The following CACNA1D variants were observed in gnomAD, a reference collection of about 807,000 sequenced individuals.
The protein encoded by CACNA1D is calcium voltage-gated channel subunit alpha1 D.
CACNA1D carries 55 observed loss-of-function variants against 257.1 expected under a neutral mutation model. That is an observed-to-expected ratio of 0.21 (90% CI 0.17 to 0.27). CACNA1D has a LOEUF of 0.27. CACNA1D is among the 10% of genes least tolerant of loss of function. The pLI is 1.00. For missense variants in CACNA1D, 1,876 were observed against 2,784.0 expected, an observed-to-expected ratio of 0.67 and a Z score of 7.34; for synonymous variants, 980 against 1,014.9, an observed-to-expected ratio of 0.97 and a Z score of 0.65.
intron 3 of CACNA1D, among the ~76,000 whole-genome samples, chr3:53,554,842 A>C (rs1194205311): frequency 6.6e-6 from 1 of 152,214 alleles, no homozygotes. Context: ...TGGACTCAAC[A>C]TTCTTCTGAG....
At chr3:53,688,517 A>G (rs2094492918) in intron 8 of CACNA1D, among the ~76,000 whole-genome samples, 1 of 152,242 alleles carries the variant, frequency 6.6e-6, no homozygotes, top group African/African-American at 2.4e-5. Context: ...GGGCCTGGAT[A>G]AACGGGAAGA....
At chr3:53,677,388 G>A (rs1475532327) in intron 8 of CACNA1D, among the ~76,000 whole-genome samples, 1 of 152,228 alleles carries the variant, frequency 6.6e-6, no homozygotes, top group Non-Finnish European at 1.5e-5. Flanking sequence ...GGATATCAGC[G>A]ACATCCTGTC....
At chr3:53,497,843 A>G (rs538207610) in intron 2 of CACNA1D, among the ~76,000 whole-genome samples, 30 of 152,350 alleles carry the variant, frequency 2.0e-4, no homozygotes, top group Middle Eastern at 3.4e-3. Context: ...CAAGGTATAC[A>G]GATTAGAAAA....
At chr3:53,523,468 A>C (rs2107370190) in intron 3 of CACNA1D, among the ~76,000 whole-genome samples, 1 of 152,384 alleles carries the variant, frequency 6.6e-6, no homozygotes, top group South Asian at 2.1e-4. Flanking sequence ...GACATGAGAA[A>C]GGATTGACCA....
rs745932162 is a variant in CACNA1D at position 53,805,004 on chromosome 3, C to T, written c.5607C>T (p.Ser1869=). The T allele has an allele frequency of 1.2e-6, 2 of 1,614,124 alleles. No individual in the cohort carries two copies. The highest frequency in any genetic ancestry group is 1.3e-5 in the African/African-American group (1 of 75,042). Residue 1869 remains serine, a synonymous_variant, in exon 45 of 48, where the codon AGC becomes AGT. Coordinates refer to ENST00000350061, the MANE Select transcript of CACNA1D (RefSeq NM_001128840.3). The stretch of plus-strand genomic sequence containing the variant: ...CCAGGCAAAACTATGGCTACTACAG[C>T]AGATACCCAGGCAGAAACATCGACT... ...TWSRQNYGYY[S]RYPGRNIDSE...
chr3:53,511,351 C>T (rs1033986534), intron 3 of CACNA1D, among the ~76,000 whole-genome samples: 4 of 152,116 alleles, frequency 2.6e-5, no homozygotes, highest in East Asian at 3.9e-4. Flanking sequence ...TTCCCAGCAG[C>T]GGCGGCGAAA....
At chr3:53,706,000 A>G (rs1188930089) in intron 9 of CACNA1D, among the ~76,000 whole-genome samples, 1 of 152,226 alleles carries the variant, frequency 6.6e-6, no homozygotes, top group Admixed American at 6.5e-5. Flanking sequence ...ATTAGCAGGC[A>G]GTAGAAATGT....
chr3:53,599,423 G>A (rs2093413677), intron 3 of CACNA1D, among the ~76,000 whole-genome samples: 1 of 151,848 alleles, frequency 6.6e-6, no homozygotes, highest in Non-Finnish European at 1.5e-5. Context: ...TTTTTTATAT[G>A]AGTCGCAAAG....
At chr3:53,680,395 G>T (rs2094418744) in intron 8 of CACNA1D, among the ~76,000 whole-genome samples, 1 of 151,930 alleles carries the variant, frequency 6.6e-6, no homozygotes, top group Non-Finnish European at 1.5e-5. Context: ...GACCCAGGAG[G>T]CACCTCTGGC....
At position 53,723,471 on chromosome 3, in the gene CACNA1D, C is replaced by T. The variant is rs528723897; in HGVS notation, c.1704C>T (p.Cys568=). ...AAGTCCTCTTGGCTCTGTTCACCTG[C>T]GAGATGCTGGTAAAAATGTACAGCT... The part of the protein sequence containing the change: ...ANKVLLALFT[C]EMLVKMYSLG... Residue 568 remains cysteine, a synonymous_variant, in exon 13 of 48, where the codon TGC becomes TGT. Coordinates refer to ENST00000350061, the MANE Select transcript of CACNA1D (RefSeq NM_001128840.3). This position sits in a 1 kb window ranked among gnomAD's most constrained non-coding sequence, Gnocchi z 5.6. 74 of 1,613,976 alleles carry T rather than the reference C, an allele frequency of 4.6e-5. No individual in the cohort carries two copies. Among genetic ancestry groups the T allele is most frequent in the Non-Finnish European group, 5.8e-5 (69 of 1,180,010 alleles).
intron 3 of CACNA1D, among the ~76,000 whole-genome samples, chr3:53,643,005 C>T (rs964020127): frequency 3.3e-5 from 5 of 152,114 alleles, no homozygotes; most frequent in African/African-American, 1.2e-4. Flanking sequence ...GTGGGCAAGG[C>T]AAAGCAAGAA....
At chr3:53,753,094 A>G (rs989226318) in intron 28 of CACNA1D, among the ~76,000 whole-genome samples, 8 of 152,154 alleles carry the variant, frequency 5.3e-5, no homozygotes, top group African/African-American at 7.2e-5. Flanking sequence ...ATTTTCTGGC[A>G]TTTTTCTTAA....
At chr3:53,773,265 C>G in intron 33 of CACNA1D, 14 of 309,658 alleles carry the variant, frequency 4.5e-5, no homozygotes, top group South Asian at 7.5e-5. Context: ...GTCGCGGGAA[C>G]AGAAGGCTGG....
chr3:53,618,059 T>C (rs2093656249), intron 3 of CACNA1D, among the ~76,000 whole-genome samples: 1 of 152,082 alleles, frequency 6.6e-6, no homozygotes, highest in Non-Finnish European at 1.5e-5. Flanking sequence ...TGAACAGCTC[T>C]TTGCATCCAC....
intron 3 of CACNA1D, among the ~76,000 whole-genome samples, chr3:53,621,534 C>T (rs2093696798): frequency 6.6e-6 from 1 of 152,178 alleles, no homozygotes; most frequent in Admixed American, 6.5e-5. Flanking sequence ...CTTAAACATA[C>T]TTGCATGAAG....
chr3:53,702,222 T>G (rs1398030541), intron 8 of CACNA1D, among the ~76,000 whole-genome samples: 1 of 152,180 alleles, frequency 6.6e-6, no homozygotes, highest in Non-Finnish European at 1.5e-5. Flanking sequence ...AGTTCTAAAC[T>G]TGGTACTCTT....
rs531764434 is a variant in CACNA1D, at chr3:53,563,528, T to A, written c.483+61808T>A. Among the ~76,000 whole-genome samples the A allele has an allele frequency of 2.1e-3, 216 of 101,326 alleles. 1 individual carries two copies. The highest frequency in any genetic ancestry group is 7.3e-3 in the African/African-American group (196 of 27,018). The allele number at this position is 101,326 out of a possible 152,430, so 66.5% of individuals were successfully genotyped here. A position where few individuals can be genotyped will look rare whatever the true frequency, so the allele number is the denominator to read the frequency against. ...GACAGCCTGGGTGAGGGCGAGACTC[T>A]GTCTCAAAAAAAAAAAAAAAAAAAA... On this transcript the variant is annotated intron_variant, in intron 3 of 47. Coordinates refer to ENST00000350061, the MANE Select transcript of CACNA1D (RefSeq NM_001128840.3).
chr3:53,735,608 G>A, intron 20 of CACNA1D, 105 bp downstream of exon 20: 1 of 1,294,658 alleles, frequency 7.7e-7, no homozygotes, highest in Non-Finnish European at 1.1e-6. Flanking sequence ...GACAGCTAGA[G>A]TAGGTCTTTC....
chr3:53,698,549 C>T (rs2094592803), intron 8 of CACNA1D, among the ~76,000 whole-genome samples: 1 of 152,112 alleles, frequency 6.6e-6, no homozygotes, highest in Non-Finnish European at 1.5e-5. Context: ...AAATCACTTT[C>T]AGTTTAGGGG....
Sources: allele counts gnomAD v4.1 joint callset (sites outside exome capture counted in the v4.1 genomes callset), GRCh38; gene constraint gnomAD v4.1.1; non-coding constraint Gnocchi (gnomAD v3.1); transcripts MANE v1.5; gene names NCBI Gene and HGNC (gene_info 2026-07-23, HGNC 2026-07-21).